The following SLC5A4 variants were observed in gnomAD, a reference collection of about 807,000 sequenced individuals.
The protein encoded by SLC5A4 is solute carrier family 5 member 4.
SLC5A4 carries 55 observed loss-of-function variants against 70.3 expected under a neutral mutation model. The ratio of observed to expected loss-of-function variants is 0.78; its 90% CI spans 0.63 to 0.98. The LOEUF (loss-of-function observed/expected upper bound fraction) is 0.98. SLC5A4 is among the 50% of genes least tolerant of loss of function. The probability of loss-of-function intolerance (pLI) is 0.00; values close to 1 mark genes in which losing one functional copy is unlikely to be tolerated. For missense variants in SLC5A4, 735 were observed against 839.2 expected, an observed-to-expected ratio of 0.88 and a Z score of 1.53; for synonymous variants, 268 against 305.7, an observed-to-expected ratio of 0.88 and a Z score of 1.29.
At position 32,234,942 on chromosome 22, in the gene SLC5A4, C is replaced by T. The variant is rs777234867; in HGVS notation, c.816G>A (p.Gly272=). 6.2e-6 allele frequency: 10 copies of T among 1,612,956 alleles called. No individual in the cohort carries two copies. Among genetic ancestry groups the T allele is most frequent in the Non-Finnish European group, 8.5e-6 (10 of 1,180,002 alleles). ...SFHIFRDAVT[G]DIPWPGIIFG... ...ATATAATTCCTGGCCATGGAATGTC[C>T]CCAGTCACAGCATCTCGGAAGATGT... is the stretch of plus-strand genomic sequence containing the variant. Residue 272 remains glycine (G), a synonymous_variant, in exon 8 of 15, where the codon GGG becomes GGA. Coordinates refer to ENST00000266086, the MANE Select transcript of SLC5A4 (RefSeq NM_014227.3).
the SLC5A4 span, among the ~76,000 whole-genome samples, chr22:32,330,935 A>T: frequency 5.2e-5 from 1 of 19,256 alleles, no homozygotes; most frequent in Non-Finnish European, 1.1e-4. Flanking sequence ...TCTGGTGTGT[A>T]TGTGTTGGAG....
At chr22:32,337,551 AGAAAAAAG>A in the SLC5A4 span, among the ~76,000 whole-genome samples, 2 of 152,202 alleles carry the variant, frequency 1.3e-5, no homozygotes, top group African/African-American at 4.8e-5. Flanking sequence ...AAAAAAGAAA[AGAAAAAAG>A]AAACACATTG....
At chr22:32,326,189 T>C in the SLC5A4 span, among the ~76,000 whole-genome samples, 1 of 152,080 alleles carries the variant, frequency 6.6e-6, no homozygotes, top group South Asian at 2.1e-4. Context: ...GGAGACAATG[T>C]GTTCCCCAGC....
chr22:32,333,306 T>C, the SLC5A4 span, among the ~76,000 whole-genome samples: 5 of 151,702 alleles, frequency 3.3e-5, no homozygotes, highest in Non-Finnish European at 7.4e-5. Flanking sequence ...AGGGGTCTTT[T>C]AGAGGATGGG....
the SLC5A4 span, among the ~76,000 whole-genome samples, chr22:32,303,446 T>C: frequency 6.6e-6 from 1 of 152,210 alleles, no homozygotes; most frequent in Non-Finnish European, 1.5e-5. Flanking sequence ...AGTTTGGCTT[T>C]AGTGAAACAA....
At chr22:32,272,311 C>A in the SLC5A4 span, 1 of 820,892 alleles carries the variant, frequency 1.2e-6, no homozygotes, top group South Asian at 1.4e-5. Flanking sequence ...CAGAAGGGGC[C>A]CGTGACTGCC....
rs1468143479 is a variant in SLC5A4 at position 32,229,352 on chromosome 22, C to T, written c.1130-8G>A. On this transcript the variant is annotated splice_region_variant and splice_polypyrimidine_tract_variant and intron_variant, in intron 10 of 14. Transcript: ENST00000266086. ...GCATCAGGCCTCGCAGTCCTGGAGC[C>T]GGGAAAGGGTACAAGCACTGGTTAG... The T allele has an allele frequency of 1.5e-5, 24 of 1,613,406 alleles. No individual in the cohort carries two copies. The highest frequency in any genetic ancestry group is 1.7e-5 in the Admixed American group (1 of 59,988).
intron 2 of SLC5A4, among the ~76,000 whole-genome samples, chr22:32,252,416 A>G (rs1490326449): frequency 2.0e-5 from 3 of 152,176 alleles, no homozygotes; most frequent in African/African-American, 4.8e-5. Flanking sequence ...AATCTAAGTA[A>G]GCATAATATT....
the SLC5A4 span, among the ~76,000 whole-genome samples, chr22:32,294,649 A>G: frequency 3.9e-4 from 54 of 139,446 alleles, no homozygotes; most frequent in South Asian, 0.013. Flanking sequence ...TATTATATAA[A>G]TACAATGGTG....
At chr22:32,331,365 G>A in the SLC5A4 span, among the ~76,000 whole-genome samples, 12 of 152,046 alleles carry the variant, frequency 7.9e-5, no homozygotes, top group East Asian at 1.9e-4. Flanking sequence ...CGCCGCTGGC[G>A]AGATGGCGGC....
the SLC5A4 span, among the ~76,000 whole-genome samples, chr22:32,307,958 CG>C: frequency 6.6e-6 from 1 of 151,368 alleles, no homozygotes; most frequent in Non-Finnish European, 1.5e-5. Flanking sequence ...TAGATTTTCA[CG>C]GCAGACAAAA....
chr22:32,309,103 A>G, the SLC5A4 span, among the ~76,000 whole-genome samples: 1 of 147,196 alleles, frequency 6.8e-6, no homozygotes, highest in Non-Finnish European at 1.5e-5. Context: ...GGTACAGGTG[A>G]GGTGGGTGAG....
rs1232731554 is a variant in SLC5A4, at chr22:32,239,003, C to T, written c.565G>A (p.Ala189Thr). ...LAIFILLAMTAVYTTTGGLAS... is the reference protein window; with the variant it reads ...LAIFILLAMTTVYTTTGGLAS... ...TACTTACCAGTGGTGGTGTAAACAGCAGTCATAGCCAAGAGGATGAAGATT... is the reference window on the plus strand; with the variant it reads ...TACTTACCAGTGGTGGTGTAAACAGTAGTCATAGCCAAGAGGATGAAGATT... Residue 189 changes from alanine (A) to threonine (T), a missense_variant, in exon 6 of 15, where the codon GCT (alanine) becomes ACT (threonine). Transcript: ENST00000266086. The T allele has an allele frequency of 6.2e-7, 1 of 1,613,034 alleles. No homozygotes were observed. The highest frequency in any genetic ancestry group is 8.5e-7 in the Non-Finnish European group (1 of 1,179,044).
the SLC5A4 span, among the ~76,000 whole-genome samples, chr22:32,309,860 T>C: frequency 3.3e-5 from 5 of 151,172 alleles, no homozygotes; most frequent in African/African-American, 7.3e-5. Context: ...GGCTGCACTC[T>C]GCACCTGCCT....
the SLC5A4 span, among the ~76,000 whole-genome samples, chr22:32,307,102 T>G: frequency 6.6e-6 from 1 of 152,158 alleles, no homozygotes; most frequent in Non-Finnish European, 1.5e-5. Context: ...GTGCAGTCTA[T>G]GTAAACGGTA....
At chr22:32,336,801 A>G in the SLC5A4 span, among the ~76,000 whole-genome samples, 1 of 152,172 alleles carries the variant, frequency 6.6e-6, no homozygotes, top group Non-Finnish European at 1.5e-5. Flanking sequence ...GTCAGAATGG[A>G]TTTTCTACAC....
chr22:32,297,536 TTC>T, the SLC5A4 span, among the ~76,000 whole-genome samples: 1 of 78,690 alleles, frequency 1.3e-5, no homozygotes, highest in Non-Finnish European at 2.6e-5. Flanking sequence ...TATTTGATTC[TTC>T]TCTCTTTTTT....
intron 5 of SLC5A4, among the ~76,000 whole-genome samples, chr22:32,240,844 A>G (rs1300013375): frequency 6.6e-6 from 1 of 152,222 alleles, no homozygotes; most frequent in Non-Finnish European, 1.5e-5. Flanking sequence ...AGAAGCTTCC[A>G]TGGTTAAACA....
chr22:32,324,924 G>A, the SLC5A4 span, among the ~76,000 whole-genome samples: 10 of 152,246 alleles, frequency 6.6e-5, no homozygotes, highest in Non-Finnish European at 1.3e-4. Context: ...CTCTTGTTCT[G>A]CTTTCATGGC....
Sources: allele counts gnomAD v4.1 joint callset (sites outside exome capture counted in the v4.1 genomes callset), GRCh38; gene constraint gnomAD v4.1.1; transcripts MANE v1.5; gene names NCBI Gene and HGNC (gene_info 2026-07-23, HGNC 2026-07-21).